Variants in CFAP43 observed in about 807,000 individuals in gnomAD.
The protein encoded by CFAP43 is cilia- and flagella-associated protein 43.
CFAP43 carries 155 observed loss-of-function variants against 218.9 expected under a neutral mutation model. That is an observed-to-expected ratio of 0.71 (90% confidence interval 0.62 to 0.81). The LOEUF (loss-of-function observed/expected upper bound fraction) is 0.81. Ranked by LOEUF, CFAP43 falls within the 30% of genes least tolerant of loss-of-function variation. The probability of loss-of-function intolerance (pLI) is 0.00; values close to 1 mark genes in which losing one functional copy is unlikely to be tolerated. For missense variants in CFAP43, 1,778 were observed against 1,954.3 expected (o/e 0.91, Z 1.70); for synonymous variants, 645 against 681.3 (o/e 0.95, Z 0.83).
chr10:104,207,821 T>C lies in CFAP43; in HGVS notation c.739A>G (p.Lys247Glu). ...TGAAGCAAAGGATATAGATCATCTT[T>C]CGGCTTCAGGGAGAGAATAAAACCT... ...VGKEAETFRP[K>E]DDLYPLLHPT... Residue 247 changes from lysine (K) to glutamate (E), a missense_variant, in exon 6 of 38, where the codon AAA becomes GAA. Transcript: ENST00000357060. 2 of 1,610,932 alleles carry C rather than the reference T, an allele frequency of 1.2e-6. No individual in the cohort carries two copies. The highest frequency in any genetic ancestry group is 1.7e-6 in the Non-Finnish European group (2 of 1,179,078).
Position 104,143,493 on chromosome 10 carries a change from C to A in CFAP43, c.4091G>T (p.Gly1364Val), listed in dbSNP as rs1233378862. Reference protein sequence around the residue: ...ELDNISNMPEGLDPLVWNHFC... With the variant: ...ELDNISNMPEVLDPLVWNHFC... ...ATGATTCCAGACCAAAGGGTCCAAG[C>A]CTTCTGGCATGTTACTAATATTGTC... Residue 1364 changes from glycine to valine, a missense_variant, in exon 32 of 38, where the codon GGC becomes GTC. Coordinates refer to ENST00000357060, the MANE Select transcript of CFAP43 (RefSeq NM_025145.7). 1.2e-6 allele frequency: 2 copies of A among 1,614,072 alleles called. No homozygotes were observed. The highest frequency in any genetic ancestry group is 3.3e-5 in the Admixed American group (2 of 60,004).
rs2087749077 is a variant in CFAP43, at chr10:104,142,411, G to A, written c.4159-18C>T. On this transcript the variant is annotated intron_variant, in intron 32 of 37. Coordinates refer to ENST00000357060, the MANE Select transcript of CFAP43 (RefSeq NM_025145.7). ...TGCTTTACCTAAAGAAACCAAGCCA[G>A]AAACATGTCAGAACATATGGAGCTT... 6.2e-7 allele frequency: 1 copy of A among 1,600,764 alleles called. No homozygotes were observed. Among genetic ancestry groups the A allele is most frequent in the African/African-American group, 1.3e-5 (1 of 74,562 alleles).
At chr10:104,226,443 T>G (rs1472753114) in intron 2 of CFAP43, among the ~76,000 whole-genome samples, 1 of 152,230 alleles carries the variant, frequency 6.6e-6, no homozygotes, top group Non-Finnish European at 1.5e-5. Context: ...CTAGTTTTTC[T>G]GTAGGCAGAG....
chr10:104,149,459 G>A (rs1025102971), intron 28 of CFAP43, among the ~76,000 whole-genome samples: 7 of 152,180 alleles, frequency 4.6e-5, no homozygotes, highest in Non-Finnish European at 7.3e-5. Flanking sequence ...GTTCATATAG[G>A]AAAGGCAGAC....
chr10:104,190,897 C>T (rs2090188661), intron 12 of CFAP43, among the ~76,000 whole-genome samples: 1 of 152,198 alleles, frequency 6.6e-6, no homozygotes, highest in Non-Finnish European at 1.5e-5. Context: ...AAGTACTTAG[C>T]CTCGCTTCGC....
At chr10:104,211,683 T>C (rs116142354) in intron 5 of CFAP43, among the ~76,000 whole-genome samples, 189 of 152,256 alleles carry the variant, frequency 1.2e-3, no homozygotes, top group African/African-American at 4.1e-3. Flanking sequence ...CCACCTCTCC[T>C]CCCTAACACT....
intron 29 of CFAP43, 50 bp from the exon 30 acceptor site, chr10:104,146,399 A>T: frequency 7.0e-7 from 1 of 1,419,448 alleles, no homozygotes; most frequent in Non-Finnish European, 9.9e-7. Context: ...TTTCCAGCAT[A>T]AACAAAAATA....
intron 2 of CFAP43, among the ~76,000 whole-genome samples, chr10:104,227,079 C>T (rs774121238): frequency 7.2e-5 from 11 of 151,814 alleles, no homozygotes; most frequent in African/African-American, 1.2e-4. Flanking sequence ...AGTGTTGCCT[C>T]CTATTGGTTT....
chr10:104,198,127 G>A, intron 8 of CFAP43, 89 bp from the exon 9 acceptor site: 1 of 732,548 alleles, frequency 1.4e-6, no homozygotes, highest in Non-Finnish European at 2.3e-6. Context: ...TGTAACCAAG[G>A]CTCTATGTGG....
At chr10:104,211,052 A>G (rs368995869) in intron 5 of CFAP43, among the ~76,000 whole-genome samples, 111 of 151,876 alleles carry the variant, frequency 7.3e-4, no homozygotes, top group African/African-American at 2.6e-3. Context: ...CGGCCTCCCA[A>G]AGGAAACACT....
At position 104,179,828 on chromosome 10, in the gene CFAP43, T is replaced by C. The variant is rs919622864; in HGVS notation, c.2382+12A>G. 4 of 1,605,960 alleles carry C rather than the reference T, an allele frequency of 2.5e-6. No individual in the cohort carries two copies. The highest frequency in any genetic ancestry group is 1.6e-4 in the Middle Eastern group (1 of 6,078). Reference sequence around the variant, plus strand: ...AGCACTATTTCAAACCTACCCCATGTTTCACAAATACCTCTTGGCTTTTTT... The same window carrying C: ...AGCACTATTTCAAACCTACCCCATGCTTCACAAATACCTCTTGGCTTTTTT... On this transcript the variant is annotated intron_variant, in intron 18 of 37. Coordinates refer to ENST00000357060, the MANE Select transcript of CFAP43 (RefSeq NM_025145.7).
At chr10:104,198,176 C>G in intron 8 of CFAP43, 138 bp from the exon 9 acceptor site, 1 of 509,556 alleles carries the variant, frequency 2.0e-6, no homozygotes, top group Non-Finnish European at 3.4e-6. Context: ...CTCAGTAAGA[C>G]CTTGACCCTG....
At chr10:104,221,006 C>T (rs1159123879) in intron 3 of CFAP43, among the ~76,000 whole-genome samples, 3 of 151,418 alleles carry the variant, frequency 2.0e-5, no homozygotes, top group Non-Finnish European at 4.4e-5. Flanking sequence ...GACGGAGTCT[C>T]GCTCTGTCAC....
chr10:104,226,682 A>C (rs1248938715), intron 2 of CFAP43, among the ~76,000 whole-genome samples: 1 of 152,092 alleles, frequency 6.6e-6, no homozygotes, highest in African/African-American at 2.4e-5. Flanking sequence ...TATTTTCTTT[A>C]AATATAACTT....
chr10:104,163,589 C>T (rs886479669), intron 24 of CFAP43, among the ~76,000 whole-genome samples: 16 of 152,126 alleles, frequency 1.1e-4, no homozygotes, highest in African/African-American at 2.2e-4. Flanking sequence ...GGATCCACAC[C>T]GCCTGAATGA....
intron 17 of CFAP43, among the ~76,000 whole-genome samples, chr10:104,181,266 C>G (rs2089834670): frequency 6.6e-6 from 1 of 152,092 alleles, no homozygotes; most frequent in African/African-American, 2.4e-5. Context: ...CTCTCTATGT[C>G]CAATTCATCA....
In CFAP43 at chr10:104,205,144, T is replaced by G. The variant is rs1187125345; in HGVS notation, c.963+819A>C. On this transcript the variant is annotated intron_variant, in intron 7 of 37. Transcript: ENST00000357060. ...AGGAGAATGGCGTGAACCCAGGAGT[T>G]GGAGCTTGCAGTGAGCCGAGATCGC... Among the ~76,000 whole-genome samples the G allele has an allele frequency of 6.8e-5, 9 of 132,814 alleles. No individual in the cohort carries two copies. In the Admixed American group the frequency reaches 8.2e-4, roughly 12 times the overall value. The allele number at this position is 132,814 out of a possible 152,430, so 87.1% of individuals were successfully genotyped here. A position where few individuals can be genotyped will look rare whatever the true frequency, so the allele number is the denominator to read the frequency against.
Position 104,192,225 on chromosome 10 carries a change from C to A in CFAP43, c.1520G>T (p.Ser507Ile), listed in dbSNP as rs762824203. The A allele has an allele frequency of 2.5e-6, 4 of 1,612,144 alleles. No individual in the cohort carries two copies. In the East Asian group the frequency reaches 8.9e-5, roughly 36 times the overall value. The part of the protein sequence containing the change: ...KVFIINANSS[S>I]SFQIIGFTEV... ...TGTGAATCCAATAATCTGAAATGAGCTTGAGGAGTTGGCATTGATAATAAA... is the reference window on the plus strand; with the variant it reads ...TGTGAATCCAATAATCTGAAATGAGATTGAGGAGTTGGCATTGATAATAAA... The change falls in exon 12 of 38, where the codon AGC (serine) becomes ATC (isoleucine). Residue 507 changes from serine to isoleucine, a missense_variant. Around this residue, in one of 3 missense-constraint regions of CFAP43, gnomAD observed 1,553 missense variants for 1,685.2 expected, o/e 0.92. Coordinates refer to ENST00000357060, the MANE Select transcript of CFAP43 (RefSeq NM_025145.7).
intron 34 of CFAP43, among the ~76,000 whole-genome samples, chr10:104,140,394 A>T (rs553825201): frequency 7.6e-4 from 116 of 152,366 alleles, no homozygotes; most frequent in Admixed American, 2.9e-3. Context: ...TCTTCAAATG[A>T]TTCTAATGTG....
Sources: allele counts gnomAD v4.1 joint callset (sites outside exome capture counted in the v4.1 genomes callset), GRCh38; gene constraint gnomAD v4.1.1; regional missense constraint gnomAD v4.1.1; transcripts MANE v1.5; gene names NCBI Gene and HGNC (gene_info 2026-07-23, HGNC 2026-07-21).